The following PTPRD variants were observed in gnomAD, a reference collection of about 807,000 sequenced individuals.
PTPRD encodes receptor-type tyrosine-protein phosphatase delta.
In PTPRD, 34 loss-of-function variants were observed where a neutral mutation model predicts 214.5. The ratio of observed to expected loss-of-function variants is 0.16; its 90% confidence interval spans 0.12 to 0.21. PTPRD has a LOEUF of 0.21. PTPRD is among the 10% of genes least tolerant of loss of function. The pLI is 1.00. For synonymous variants in PTPRD, 1,128 were observed against 845.7 expected, an observed-to-expected ratio of 1.33 and a Z score of -5.79; for missense variants, 2,545 against 2,398.7, an observed-to-expected ratio of 1.06 and a Z score of -1.27.
chr9:10,034,144 T>C (rs1291484430), intron 3 of PTPRD, among the ~76,000 whole-genome samples: 2 of 152,070 alleles, frequency 1.3e-5, no homozygotes, highest in African/African-American at 4.8e-5. Context: ...AAAATTCATA[T>C]GGAAAAAAAT....
intron 10 of PTPRD, among the ~76,000 whole-genome samples, chr9:9,104,881 A>G (rs943654926): frequency 6.6e-6 from 1 of 152,208 alleles, no homozygotes; most frequent in African/African-American, 2.4e-5. Context: ...GAGTGAGACA[A>G]ACAAACTGGT....
At chr9:8,635,927 A>G (rs533175180) in intron 13 of PTPRD, among the ~76,000 whole-genome samples, 2 of 152,132 alleles carry the variant, frequency 1.3e-5, no homozygotes, top group African/African-American at 4.8e-5. Context: ...CAAACACTCA[A>G]AAAAAGAATC....
chr9:9,391,981 T>C (rs2065996030), intron 9 of PTPRD, among the ~76,000 whole-genome samples: 1 of 152,028 alleles, frequency 6.6e-6, no homozygotes, highest in Non-Finnish European at 1.5e-5. Context: ...ATGATGAGAG[T>C]AGGGTGTTGA....
chr9:10,290,321 T>C (rs1439510315), intron 3 of PTPRD, among the ~76,000 whole-genome samples: 2 of 152,236 alleles, frequency 1.3e-5, no homozygotes, highest in Middle Eastern at 3.4e-3. Flanking sequence ...ACAAAGACAA[T>C]CTTAAGCTGC....
At chr9:8,851,254 C>T (rs1407701631) in intron 11 of PTPRD, among the ~76,000 whole-genome samples, 2 of 150,962 alleles carry the variant, frequency 1.3e-5, no homozygotes, top group Non-Finnish European at 2.9e-5. Flanking sequence ...AACTGCTTTT[C>T]TAAACATTTC....
intron 9 of PTPRD, among the ~76,000 whole-genome samples, chr9:9,191,710 C>A (rs2099935308): frequency 6.6e-6 from 1 of 151,934 alleles, no homozygotes; most frequent in African/African-American, 2.4e-5. Context: ...CTATGTGAAC[C>A]AAAAGCCATT....
intron 11 of PTPRD, among the ~76,000 whole-genome samples, chr9:8,743,627 A>G (rs1437985282): frequency 6.6e-6 from 1 of 152,172 alleles, no homozygotes; most frequent in Non-Finnish European, 1.5e-5. Flanking sequence ...AGTTATATCT[A>G]TGACCCAAAA....
chr9:9,255,378 TA>T (rs1360061172), intron 9 of PTPRD, among the ~76,000 whole-genome samples: 3 of 152,076 alleles, frequency 2.0e-5, no homozygotes, highest in Non-Finnish European at 4.4e-5. Flanking sequence ...TGTTTCCTCC[TA>T]CTTATAGCTC....
chr9:10,419,476 T>A (rs2098526138), intron 2 of PTPRD, among the ~76,000 whole-genome samples: 1 of 151,994 alleles, frequency 6.6e-6, no homozygotes, highest in South Asian at 2.1e-4. Flanking sequence ...TTAAAAAGAC[T>A]GAGATAAAGA....
intron 4 of PTPRD, among the ~76,000 whole-genome samples, chr9:9,965,245 G>A (rs1449016963): frequency 6.6e-6 from 1 of 152,138 alleles, no homozygotes; most frequent in Non-Finnish European, 1.5e-5. Flanking sequence ...GGTTGGGGTG[G>A]TTGTTAATTT....
In PTPRD at chr9:8,423,784, T is replaced by C. The variant is rs554530526; in HGVS notation, c.4086+12808A>G. ...AACTATCCCCTGTGAGAGTTAAGGC[T>C]GAGTCTTTACACCTTTAAATCCCAT... is the stretch of plus-strand genomic sequence containing the variant. On this transcript the variant is annotated intron_variant, in intron 35 of 45. Coordinates refer to ENST00000381196, the MANE Select transcript of PTPRD (RefSeq NM_002839.4). Among the ~76,000 whole-genome samples, 167 of 152,266 alleles carry C rather than the reference T, an allele frequency of 1.1e-3. 2 individuals are homozygous for C. The highest frequency in any genetic ancestry group is 4.8e-3 in the South Asian group (23 of 4,830).
At chr9:8,964,235 A>C (rs2099176804) in intron 11 of PTPRD, among the ~76,000 whole-genome samples, 2 of 66,362 alleles carry the variant, frequency 3.0e-5, no homozygotes, top group African/African-American at 1.0e-4. Flanking sequence ...CAATTTTGGA[A>C]CTTGATGTTG....
At chr9:9,738,439 C>CTTTTTTTTATT (rs2098339244) in intron 6 of PTPRD, among the ~76,000 whole-genome samples, 1 of 76,518 alleles carries the variant, frequency 1.3e-5, no homozygotes, top group Non-Finnish European at 2.3e-5. Flanking sequence ...CACTCACTCA[C>CTTTTTTTTATT]TTTTTTTTTT....
intron 10 of PTPRD, among the ~76,000 whole-genome samples, chr9:9,137,503 C>A (rs189583406): frequency 6.6e-6 from 1 of 152,014 alleles, no homozygotes; most frequent in Admixed American, 6.6e-5. Flanking sequence ...ATATATAACC[C>A]CCCTCTTAAT....
intron 5 of PTPRD, among the ~76,000 whole-genome samples, chr9:9,792,630 G>A (rs560948275): frequency 6.6e-6 from 1 of 152,262 alleles, no homozygotes; most frequent in Admixed American, 6.5e-5. Context: ...AAATTCAAAT[G>A]AGGAAGTACA....
chr9:10,486,429 G>C (rs536128984), intron 2 of PTPRD, among the ~76,000 whole-genome samples: 1 of 152,214 alleles, frequency 6.6e-6, no homozygotes, highest in South Asian at 2.1e-4. Context: ...ACCGTTTACT[G>C]AATAGGAGAT....
intron 12 of PTPRD, among the ~76,000 whole-genome samples, chr9:8,656,130 C>T (rs2096904936): frequency 6.6e-6 from 1 of 152,188 alleles, no homozygotes; most frequent in African/African-American, 2.4e-5. Context: ...CAGCCCCCCA[C>T]AACTGAATCA....
chr9:10,411,950 T>C (rs1159908957), intron 2 of PTPRD, among the ~76,000 whole-genome samples: 1 of 151,848 alleles, frequency 6.6e-6, no homozygotes, highest in Non-Finnish European at 1.5e-5. Flanking sequence ...AGTACTTAAA[T>C]TGTTCTTAAT....
chr9:8,560,824 G>T (rs1379853908), intron 14 of PTPRD, among the ~76,000 whole-genome samples: 1 of 151,958 alleles, frequency 6.6e-6, no homozygotes, highest in Non-Finnish European at 1.5e-5. Flanking sequence ...CTGGCAAATG[G>T]ATCTGTCTTT....
Sources: gnomAD v4.1 joint callset for allele counts (sites outside exome capture counted in the v4.1 genomes callset) on GRCh38, gnomAD v4.1.1 for gene constraint, MANE v1.5 for transcripts, NCBI Gene and HGNC (gene_info 2026-07-23, HGNC 2026-07-21) for gene names.